Variants in ANKRD44 observed in about 807,000 individuals in gnomAD.
The protein encoded by ANKRD44 is serine/threonine-protein phosphatase 6 regulatory ankyrin repeat subunit B.
Under a neutral mutation model 116.0 loss-of-function variants are expected in ANKRD44, and 35 were observed. That is an observed-to-expected ratio of 0.30 (90% CI 0.23 to 0.40). ANKRD44 has a LOEUF of 0.40. Among genes scored for constraint, ANKRD44 ranks in the 10% least tolerant of loss-of-function variants. The pLI is 1.00. For synonymous variants in ANKRD44, 435 were observed against 461.8 expected (o/e 0.94, Z 0.74); for missense variants, 1,014 against 1,242.6 (o/e 0.82, Z 2.77).
intron 1 of ANKRD44, among the ~76,000 whole-genome samples, chr2:197,237,800 C>T (rs1454048143): frequency 6.6e-6 from 1 of 152,210 alleles, no homozygotes; most frequent in Non-Finnish European, 1.5e-5. Flanking sequence ...ATGTTTAACG[C>T]CTTACAAAAG....
chr2:197,145,399 C>T (rs1290902075), intron 3 of ANKRD44, among the ~76,000 whole-genome samples: 1 of 152,110 alleles, frequency 6.6e-6, no homozygotes, highest in Non-Finnish European at 1.5e-5. Flanking sequence ...TTTTATACCT[C>T]CACTGATTCT....
chr2:197,142,527 C>T (rs1014562179), intron 3 of ANKRD44, among the ~76,000 whole-genome samples: 1 of 152,098 alleles, frequency 6.6e-6, no homozygotes, highest in Non-Finnish European at 1.5e-5. Flanking sequence ...ATTCCATGAA[C>T]GTGACAATTG....
rs144088121 is a variant in ANKRD44 at position 197,278,073 on chromosome 2, C to T, written c.27+32505G>A. 7.2e-5 allele frequency among the ~76,000 whole-genome samples: 11 copies of T among 152,204 alleles called. No individual in the cohort carries two copies. In the East Asian group the frequency reaches 2.1e-3, roughly 29 times the overall value. On this transcript the variant is annotated intron_variant, in intron 1 of 27. Coordinates refer to ENST00000282272, the MANE Select transcript of ANKRD44 (RefSeq NM_001195144.2). ...ACCTAATCAGAGAGCCATCTTAACGCAGCATCTCCCAAGGCAGCAAATTAG... is the reference window on the plus strand; with the variant it reads ...ACCTAATCAGAGAGCCATCTTAACGTAGCATCTCCCAAGGCAGCAAATTAG...
chr2:197,291,338 C>T lies in ANKRD44; in HGVS notation c.27+19240G>A, dbSNP rs138988126. Among the ~76,000 whole-genome samples the T allele has an allele frequency of 7.3e-3, 1,114 of 152,192 alleles. 15 individuals are homozygous for T. Among genetic ancestry groups the T allele is most frequent in the African/African-American group, 0.026 (1,067 of 41,518 alleles). ...CAGCCTGGCCAACATGGTGAAATCCCGTCTCTGTTAAAAACACAAAAATTA... is the reference window on the plus strand; with the variant it reads ...CAGCCTGGCCAACATGGTGAAATCCTGTCTCTGTTAAAAACACAAAAATTA... On this transcript the variant is annotated intron_variant, in intron 1 of 27. Coordinates refer to ENST00000282272, the MANE Select transcript of ANKRD44 (RefSeq NM_001195144.2).
Position 197,136,562 on chromosome 2 carries a change from G to A in ANKRD44, c.261+30C>T, listed in dbSNP as rs760472446. 18 of 1,592,890 alleles carry A rather than the reference G, an allele frequency of 1.1e-5. No individual in the cohort carries two copies. The Admixed American group carries it at 2.0e-4, about 18-fold the overall frequency. On this transcript the variant is annotated intron_variant, in intron 4 of 27. Transcript: ENST00000282272. ...ACTTTTTCTTTTTCTAGGCACAGTA[G>A]GTATTAGATTAAATATGGTAATCAC...
chr2:197,068,920 C>G (rs548806315), intron 16 of ANKRD44, among the ~76,000 whole-genome samples: 1 of 152,266 alleles, frequency 6.6e-6, no homozygotes, highest in South Asian at 2.1e-4. Flanking sequence ...ACTAAAAATA[C>G]CATTTGACCC....
intron 8 of ANKRD44, among the ~76,000 whole-genome samples, chr2:197,115,377 C>T (rs1045343327): frequency 6.6e-6 from 1 of 152,184 alleles, no homozygotes; most frequent in African/African-American, 2.4e-5. Flanking sequence ...TCATGTTCTA[C>T]CTATTTACAA....
At chr2:197,094,583 C>T (rs1037646589) in intron 10 of ANKRD44, among the ~76,000 whole-genome samples, 2 of 152,172 alleles carry the variant, frequency 1.3e-5, no homozygotes, top group Non-Finnish European at 2.9e-5. Flanking sequence ...TTTCTGTTAT[C>T]TTTCTGTGTG....
chr2:197,064,890 TCAA>T (rs1393867913), intron 16 of ANKRD44, among the ~76,000 whole-genome samples: 1 of 152,064 alleles, frequency 6.6e-6, no homozygotes, highest in African/African-American at 2.4e-5. Flanking sequence ...ATTAGACAGA[TCAA>T]CGAGACAGAA....
intron 23 of ANKRD44, 135 bp from the exon 24 acceptor site, chr2:196,999,187 C>T (rs1234440569): frequency 9.5e-7 from 1 of 1,047,464 alleles, no homozygotes; most frequent in East Asian, 2.6e-5. Context: ...GATCAGGTCC[C>T]CTCCCTCTAA....
At chr2:197,258,270 C>CTTTTTTTTTTTTTTTTT (rs71395680) in intron 1 of ANKRD44, among the ~76,000 whole-genome samples, 21 of 79,226 alleles carry the variant, frequency 2.7e-4, no homozygotes, top group African/African-American at 3.7e-4. Flanking sequence ...TTGGCTAATC[C>CTTTTTTTTTTTTTTTTT]TTTTTTTTTT....
intron 9 of ANKRD44, among the ~76,000 whole-genome samples, chr2:197,109,389 C>A (rs764980592): frequency 6.6e-6 from 1 of 152,060 alleles, no homozygotes; most frequent in Non-Finnish European, 1.5e-5. Flanking sequence ...GGGTATTGCA[C>A]GGTTAATTTC....
At chr2:197,115,042 T>A (rs1316299101) in intron 8 of ANKRD44, among the ~76,000 whole-genome samples, 1 of 152,140 alleles carries the variant, frequency 6.6e-6, no homozygotes, top group Non-Finnish European at 1.5e-5. Flanking sequence ...ACCTATTCCA[T>A]AATTTGGTCC....
intron 16 of ANKRD44, among the ~76,000 whole-genome samples, chr2:197,043,157 G>A (rs2076942366): frequency 6.6e-6 from 1 of 152,238 alleles, no homozygotes; most frequent in Non-Finnish European, 1.5e-5. Context: ...GGTTTAAGAA[G>A]AGAGGTGAAA....
In ANKRD44 at chr2:197,062,552, C is replaced by T. The variant is rs139402585; in HGVS notation, c.1650+16151G>A. On this transcript the variant is annotated intron_variant, in intron 16 of 27. Transcript: ENST00000282272. ...GCGAGGCATCGCCTCACCCGGGAAG[C>T]GCAAGGGGTCAGGGAATTCCCTTTC... Among the ~76,000 whole-genome samples the T allele has an allele frequency of 3.6e-3, 554 of 152,338 alleles. 5 individuals carry two copies. Among genetic ancestry groups the T allele is most frequent in the African/African-American group, 0.013 (533 of 41,576 alleles).
At chr2:197,086,870 G>C (rs958961816) in intron 12 of ANKRD44, 122 bp from the exon 13 acceptor site, 2 of 800,340 alleles carry the variant, frequency 2.5e-6, no homozygotes, top group African/African-American at 1.8e-5. Flanking sequence ...TCTAAATTCC[G>C]CTAATAAAAA....
chr2:197,072,762 C>T (rs1163281130), intron 16 of ANKRD44, among the ~76,000 whole-genome samples: 1 of 152,188 alleles, frequency 6.6e-6, no homozygotes, highest in Admixed American at 6.5e-5. Context: ...TTTCCTGAAA[C>T]AATGACTAAG....
intron 1 of ANKRD44, among the ~76,000 whole-genome samples, chr2:197,202,463 G>A (rs2081113950): frequency 6.6e-6 from 1 of 152,020 alleles, no homozygotes; most frequent in African/African-American, 2.4e-5. Context: ...TCTGCCAGAA[G>A]AGCTAGACGA....
rs548147703 is a variant in ANKRD44 at position 197,227,913 on chromosome 2, C to T, written c.28-40807G>A. 1.1e-3 allele frequency among the ~76,000 whole-genome samples: 164 copies of T among 152,336 alleles called. 9 individuals are homozygous for T. In the South Asian group the frequency reaches 0.033, roughly 31 times the overall value. On this transcript the variant is annotated intron_variant, in intron 1 of 27. Transcript: ENST00000282272. Reference sequence around the variant, plus strand: ...AAAAGCATATTTATAATAAGCTGCACATTAAGAAAGAACAAAGAAGATGAA... The same window carrying T: ...AAAAGCATATTTATAATAAGCTGCATATTAAGAAAGAACAAAGAAGATGAA...
Sources: gnomAD v4.1 joint callset for allele counts (sites outside exome capture counted in the v4.1 genomes callset) on GRCh38, gnomAD v4.1.1 for gene constraint, MANE v1.5 for transcripts, NCBI Gene and HGNC (gene_info 2026-07-23, HGNC 2026-07-21) for gene names.